SGCD: variants seen among roughly 807,000 people sequenced by gnomAD.
SGCD encodes sarcoglycan delta.
Under a neutral mutation model 36.6 loss-of-function variants are expected in SGCD, and 18 were observed. The observed-to-expected ratio is 0.49, with a 90% CI of 0.34 to 0.73. SGCD has a LOEUF of 0.73. SGCD is among the 30% of genes least tolerant of loss of function. The pLI, the probability that SGCD is intolerant of heterozygous loss-of-function variation, is 0.01. For missense variants in SGCD, 387 were observed against 346.7 expected, an observed-to-expected ratio of 1.12 and a Z score of -0.92; for synonymous variants, 133 against 130.6, an observed-to-expected ratio of 1.02 and a Z score of -0.12.
At chr5:155,741,687 C>CTTTTTTTTTT in the SGCD span, among the ~76,000 whole-genome samples, 5 of 132,282 alleles carry the variant, frequency 3.8e-5, no homozygotes, top group African/African-American at 8.4e-5. Flanking sequence ...CTTTTCTTTT[C>CTTTTTTTTTT]TTTTTTTTTT....
intron 3 of SGCD, among the ~76,000 whole-genome samples, chr5:156,303,824 T>C (rs1767125993): frequency 6.6e-6 from 1 of 151,870 alleles, no homozygotes; most frequent in Non-Finnish European, 1.5e-5. Context: ...GTGTTTGCAC[T>C]AGTATCTAAG....
At chr5:156,131,662 C>A (rs1400826199) in intron 3 of SGCD, among the ~76,000 whole-genome samples, 1 of 151,996 alleles carries the variant, frequency 6.6e-6, no homozygotes, top group Non-Finnish European at 1.5e-5. Context: ...GAATTTGCAA[C>A]CTTGGAATGA....
At chr5:155,729,697 G>C in the SGCD span, among the ~76,000 whole-genome samples, 3 of 152,190 alleles carry the variant, frequency 2.0e-5, no homozygotes. Context: ...TGCCTCTGCT[G>C]CTTCTAGGGG....
chr5:156,398,550 G>A (rs1476733388), intron 3 of SGCD, among the ~76,000 whole-genome samples: 1 of 152,144 alleles, frequency 6.6e-6, no homozygotes, highest in Non-Finnish European at 1.5e-5. Context: ...AAAATAATAG[G>A]TGCCTTCCTG....
rs1755078887 is a variant in SGCD, at chr5:156,474,014, A to T, written c.193-34587A>T. 2.7e-5 allele frequency among the ~76,000 whole-genome samples: 4 copies of T among 150,318 alleles called. No individual in the cohort carries two copies. In the South Asian group the frequency reaches 8.4e-4, roughly 32 times the overall value. ...CTGTTAGATAGCATTTCAGGAAAGG[A>T]TCCTAAATTAAAAGATAATTTTCCC... On this transcript the variant is annotated intron_variant, in intron 3 of 8. Coordinates refer to ENST00000337851, the MANE Select transcript of SGCD (RefSeq NM_000337.6).
chr5:156,622,432 AAAAAATAAT>A (rs1309651382), intron 6 of SGCD, among the ~76,000 whole-genome samples: 8 of 78,358 alleles, frequency 1.0e-4, no homozygotes, highest in African/African-American at 2.7e-4. Flanking sequence ...GACTCTGTCT[AAAAAATAAT>A]AATAATAATA....
At chr5:155,997,964 A>G (rs1405406529) in intron 1 of SGCD, among the ~76,000 whole-genome samples, 2 of 152,186 alleles carry the variant, frequency 1.3e-5, no homozygotes, top group African/African-American at 2.4e-5. Flanking sequence ...GCTTATTCAT[A>G]GCGTAGATTA....
intron 3 of SGCD, among the ~76,000 whole-genome samples, chr5:156,193,583 C>T (rs1763946269): frequency 1.3e-5 from 2 of 152,094 alleles, no homozygotes; most frequent in Admixed American, 6.6e-5. Flanking sequence ...GGTGAGAGAG[C>T]ATGGTGTGCC....
intron 1 of SGCD, among the ~76,000 whole-genome samples, chr5:156,106,171 T>C (rs538990243): frequency 1.1e-4 from 17 of 148,078 alleles, no homozygotes; most frequent in Non-Finnish European, 2.4e-4. Flanking sequence ...TGTTGGTAAT[T>C]ATGCGCAGTG....
chr5:155,921,532 A>C (rs1384420706), intron 1 of SGCD, among the ~76,000 whole-genome samples: 2 of 151,664 alleles, frequency 1.3e-5, no homozygotes, highest in Non-Finnish European at 2.9e-5. Context: ...AGACTCTGGA[A>C]AGAAAGGGGA....
the SGCD span, among the ~76,000 whole-genome samples, chr5:155,864,494 T>C: frequency 6.6e-6 from 1 of 151,968 alleles, no homozygotes; most frequent in African/African-American, 2.4e-5. Context: ...CCTGGATTAA[T>C]TAAATTAAAA....
intron 3 of SGCD, among the ~76,000 whole-genome samples, chr5:156,477,944 C>T (rs1225495572): frequency 6.6e-6 from 1 of 151,988 alleles, no homozygotes; most frequent in African/African-American, 2.4e-5. Flanking sequence ...ATCTCTGGAT[C>T]AAACTGTCGT....
intron 1 of SGCD, among the ~76,000 whole-genome samples, chr5:156,327,625 A>G (rs1313984234): frequency 1.3e-5 from 2 of 152,200 alleles, no homozygotes; most frequent in African/African-American, 2.4e-5. Context: ...TCACTTCGCA[A>G]GAGTTTTAAT....
chr5:155,947,625 T>C (rs2113423367), intron 1 of SGCD, among the ~76,000 whole-genome samples: 1 of 152,192 alleles, frequency 6.6e-6, no homozygotes, highest in Middle Eastern at 3.4e-3. Flanking sequence ...AGAGTATCCA[T>C]CTGCCAGAGG....
intron 3 of SGCD, among the ~76,000 whole-genome samples, chr5:156,483,771 C>T (rs1487986466): frequency 6.6e-6 from 1 of 152,214 alleles, no homozygotes; most frequent in African/African-American, 2.4e-5. Context: ...ATGAGATTCA[C>T]TTCTCTATGT....
chr5:155,800,487 G>C, the SGCD span, among the ~76,000 whole-genome samples: 29 of 152,150 alleles, frequency 1.9e-4, no homozygotes, highest in Non-Finnish European at 3.8e-4. Flanking sequence ...TTCGCTTGAA[G>C]GTGTTTTGGC....
At chr5:156,649,567 T>C (rs1324117456) in intron 7 of SGCD, among the ~76,000 whole-genome samples, 1 of 152,092 alleles carries the variant, frequency 6.6e-6, no homozygotes, top group African/African-American at 2.4e-5. Context: ...TGTAGGGACA[T>C]GGATGAAACT....
the SGCD span, among the ~76,000 whole-genome samples, chr5:155,738,995 A>G: frequency 1.3e-5 from 2 of 152,114 alleles, no homozygotes; most frequent in Non-Finnish European, 1.5e-5. Context: ...ACATGGGGCC[A>G]GGGAAGGCTT....
the SGCD span, among the ~76,000 whole-genome samples, chr5:155,814,634 T>C: frequency 1.3e-5 from 2 of 152,120 alleles, no homozygotes; most frequent in Non-Finnish European, 2.9e-5. Flanking sequence ...AGTGCAACAG[T>C]TGAATATGCA....
Sources: gnomAD v4.1 joint callset for allele counts (sites outside exome capture counted in the v4.1 genomes callset) on GRCh38, gnomAD v4.1.1 for gene constraint, MANE v1.5 for transcripts, NCBI Gene and HGNC (gene_info 2026-07-23, HGNC 2026-07-21) for gene names.